Variants in LHX9 observed in about 807,000 individuals in gnomAD.
The protein encoded by LHX9 is LIM homeobox 9.
Under a neutral mutation model 36.5 loss-of-function variants are expected in LHX9, and 9 were observed. The ratio of observed to expected loss-of-function variants is 0.25; its 90% CI spans 0.15 to 0.43. The LOEUF is 0.43. Among genes scored for constraint, LHX9 ranks in the 20% least tolerant of loss-of-function variants. LHX9 has a pLI of 1.00. For missense variants in LHX9, 464 were observed against 526.4 expected (o/e 0.88, Z 1.16); for synonymous variants, 211 against 212.1 (o/e 0.99, Z 0.04).
chr1:197,916,168 C>G (rs114469016), upstream of LHX9: 1,531 of 153,700 alleles, frequency 1.0e-2, 22 homozygotes, highest in African/African-American at 0.034. Flanking sequence ...TAGGGGGCCT[C>G]TGGCCGTTTG....
intron 4 of LHX9, 102 bp from the exon 5 acceptor site, chr1:197,928,900 A>AT: frequency 7.4e-7 from 1 of 1,345,238 alleles, no homozygotes; most frequent in Non-Finnish European, 9.8e-7. Context: ...TATCAAAAAA[A>AT]AAAAAGAAAG....
intron 4 of LHX9, among the ~76,000 whole-genome samples, chr1:197,928,017 A>T: frequency 6.6e-6 from 1 of 152,174 alleles, no homozygotes; most frequent in South Asian, 2.1e-4. Flanking sequence ...TTCTCTCTAC[A>T]TATGTGGAGA....
At position 197,919,954 on chromosome 1, in the gene LHX9, G is replaced by A; in HGVS notation, c.175-18G>A. The stretch of plus-strand genomic sequence containing the variant: ...CACCGCGCGCCCTCCTCAGCCTTGC[G>A]GTGTGCTTTCTTTGCAGGGCATGCC... On this transcript the variant is annotated intron_variant, in intron 1 of 4. Transcript: ENST00000367387. The A allele has an allele frequency of 1.2e-6, 2 of 1,613,026 alleles. No homozygotes were observed. Among genetic ancestry groups the A allele is most frequent in the African/African-American group, 1.3e-5 (1 of 75,058 alleles).
At chr1:197,922,123 C>T (rs568176130) in intron 3 of LHX9, among the ~76,000 whole-genome samples, 1 of 152,162 alleles carries the variant, frequency 6.6e-6, no homozygotes, top group Admixed American at 6.5e-5. Context: ...GTCACCAGCC[C>T]AAAGTTAATC....
At position 197,921,406 on chromosome 1, in the gene LHX9, C is replaced by T; in HGVS notation, c.480C>T (p.Thr160=). 6.2e-7 allele frequency: 1 copy of T among 1,614,236 alleles called. No individual in the cohort carries two copies. Among genetic ancestry groups the T allele is most frequent in the South Asian group, 1.1e-5 (1 of 91,084 alleles). ...CTGTCTACCACCTGAGCTGCTTCAC[C>T]TGCTCCACTTGCAACAAGACTCTGA... is the stretch of plus-strand genomic sequence containing the variant. ...RDSVYHLSCF[T]CSTCNKTLTT... Residue 160 remains threonine (T), a synonymous_variant, in exon 3 of 5, where the codon ACC becomes ACT. Coordinates refer to ENST00000367387, the MANE Select transcript of LHX9 (RefSeq NM_020204.3). This position sits in a 1 kb window ranked among gnomAD's most constrained non-coding sequence, Gnocchi z 4.6.
chr1:197,919,382 C>T (rs955975986), intron 1 of LHX9, among the ~76,000 whole-genome samples: 2 of 152,216 alleles, frequency 1.3e-5, no homozygotes, highest in African/African-American at 4.8e-5. Context: ...TTATTGGGAA[C>T]GGCACCAATA....
rs949580467 is a variant in LHX9 at position 197,921,764 on chromosome 1, A to G, written c.733+105A>G. The G allele has an allele frequency of 1.1e-6, 1 of 945,062 alleles. No homozygotes were observed. 58.5% of individuals were successfully genotyped at this position (945,062 alleles called of 1,614,324 possible). A position where few individuals can be genotyped will look rare whatever the true frequency, so the allele number is the denominator to read the frequency against. ...CTTGCTGCAAGAGTGTGTTTTGCCC[A>G]ATGCCTCTGTTCTCACTGCAACTCC... On this transcript the variant is annotated intron_variant, in intron 3 of 4. Coordinates refer to ENST00000367387, the MANE Select transcript of LHX9 (RefSeq NM_020204.3). The surrounding 1 kb of genome is among the most constrained non-coding windows in gnomAD (Gnocchi z 4.6).
chr1:197,920,228 T>A, intron 2 of LHX9, 54 bp downstream of exon 2: 2 of 1,552,784 alleles, frequency 1.3e-6, no homozygotes, highest in Non-Finnish European at 1.8e-6. Context: ...AGGGGCCATC[T>A]GCCTGAGCCC....
chr1:197,919,015 G>A (rs1186991017), intron 1 of LHX9, among the ~76,000 whole-genome samples: 1 of 152,190 alleles, frequency 6.6e-6, no homozygotes, highest in Non-Finnish European at 1.5e-5. Flanking sequence ...TCGGAGTAAA[G>A]GGCTAAACTT....
At chr1:197,925,870 G>A (rs1348641923) in intron 3 of LHX9, among the ~76,000 whole-genome samples, 1 of 152,104 alleles carries the variant, frequency 6.6e-6, no homozygotes, top group Non-Finnish European at 1.5e-5. Flanking sequence ...ATGAACAAAG[G>A]GCCCAACATC....
At chr1:197,913,789 G>T (rs1426725451), upstream of LHX9, among the ~76,000 whole-genome samples, 1 of 152,196 alleles carries the variant, frequency 6.6e-6, no homozygotes, top group Non-Finnish European at 1.5e-5. Context: ...GAAAGGTAAC[G>T]CCTCCTTCTT....
chr1:197,916,856 C>T (rs1391813064), upstream of LHX9: 1 of 688,618 alleles, frequency 1.5e-6, no homozygotes, highest in African/African-American at 1.8e-5. Context: ...CAGTAAATTG[C>T]TTACATTTCT....
Position 197,931,958 on chromosome 1 carries a change from C to T in LHX9, c.*2699C>T. Reference sequence around the variant, plus strand: ...GGGGCATTACAGCCAAACATCCCGACGTTTGAAAATTCCCTAAAGTATTAA... The same window carrying T: ...GGGGCATTACAGCCAAACATCCCGATGTTTGAAAATTCCCTAAAGTATTAA... On this transcript the variant is annotated 3_prime_UTR_variant, in exon 5 of 5. Coordinates refer to ENST00000367387, the MANE Select transcript of LHX9 (RefSeq NM_020204.3). 6.5e-7 allele frequency: 1 copy of T among 1,546,766 alleles called. No individual in the cohort carries two copies.
At chr1:197,913,692 A>T (rs1659676778), upstream of LHX9, among the ~76,000 whole-genome samples, 1 of 152,188 alleles carries the variant, frequency 6.6e-6, no homozygotes. Flanking sequence ...TTGGGTGCTC[A>T]GGACAGTGCC....
chr1:197,921,180 C>T lies in LHX9; in HGVS notation c.378-124C>T. The T allele has an allele frequency of 3.0e-6, 2 of 662,806 alleles. No individual in the cohort carries two copies. Among genetic ancestry groups the T allele is most frequent in the South Asian group, 4.0e-5 (2 of 50,120 alleles). The allele number at this position is 662,806 out of a possible 1,614,324, so 41.1% of individuals were successfully genotyped here. A position where few individuals can be genotyped will look rare whatever the true frequency, so the allele number is the denominator to read the frequency against. ...GCAAATAAAATTAATGCCTACTCTC[C>T]TGTCCCCCTGGAACCCTCCCAGGTC... is the stretch of plus-strand genomic sequence containing the variant. On this transcript the variant is annotated intron_variant, in intron 2 of 4. Transcript: ENST00000367387. This position sits in a 1 kb window ranked among gnomAD's most constrained non-coding sequence, Gnocchi z 4.6.
intron 3 of LHX9, among the ~76,000 whole-genome samples, chr1:197,925,865 C>T (rs1044252383): frequency 6.6e-6 from 1 of 152,156 alleles, no homozygotes; most frequent in Admixed American, 6.5e-5. Flanking sequence ...TACTGATGAA[C>T]AAAGGGCCCA....
At chr1:197,919,405 A>G (rs1272934472) in intron 1 of LHX9, among the ~76,000 whole-genome samples, 3 of 152,258 alleles carry the variant, frequency 2.0e-5, no homozygotes, top group Non-Finnish European at 2.9e-5. Context: ...CCTGAAAATT[A>G]GGGAACAGCA....
In LHX9 at chr1:197,921,584, G is replaced by A. The variant is rs1222540097; in HGVS notation, c.658G>A (p.Gly220Ser). 1 of 1,611,368 alleles carries A rather than the reference G, an allele frequency of 6.2e-7. No individual in the cohort carries two copies. The highest frequency in any genetic ancestry group is 1.3e-5 in the African/African-American group (1 of 74,930). ...GLALPYFNGTGTVQKGRPRKR... is the reference protein window; with the variant it reads ...GLALPYFNGTSTVQKGRPRKR... ...GGCCCTGCCTTACTTCAACGGTACG[G>A]GCACCGTGCAGAAAGGGCGGCCCCG... Residue 220 changes from glycine (G) to serine (S), a missense_variant, in exon 3 of 5, where the codon GGC becomes AGC. Gly to Ser is a moderately conservative substitution (Grantham distance 56). This residue lies in a region of LHX9 where 130 missense variants were observed against 109.6 expected (regional missense o/e 1.19). Coordinates refer to ENST00000367387, the MANE Select transcript of LHX9 (RefSeq NM_020204.3). The surrounding 1 kb of genome is among the most constrained non-coding windows in gnomAD (Gnocchi z 4.6).
chr1:197,914,016 A>G (rs529561890), upstream of LHX9, among the ~76,000 whole-genome samples: 4 of 152,166 alleles, frequency 2.6e-5, no homozygotes, highest in Non-Finnish European at 5.9e-5. Flanking sequence ...GCCGGCGACA[A>G]GGGCGCTGCA....
Sources: allele counts gnomAD v4.1 joint callset (sites outside exome capture counted in the v4.1 genomes callset), GRCh38; gene constraint gnomAD v4.1.1; regional missense constraint gnomAD v4.1.1; non-coding constraint Gnocchi (gnomAD v3.1); transcripts MANE v1.5; gene names NCBI Gene and HGNC (gene_info 2026-07-23, HGNC 2026-07-21).